CCDC126: variants seen among roughly 807,000 people sequenced by gnomAD.
CCDC126 encodes coiled-coil domain-containing protein 126.
Under a neutral mutation model 11.7 loss-of-function variants are expected in CCDC126, and 5 were observed. The observed-to-expected ratio is 0.43, with a 90% CI of 0.22 to 0.90. The LOEUF is 0.90. CCDC126 is among the 40% of genes least tolerant of loss of function. The pLI, the probability that CCDC126 is intolerant of heterozygous loss-of-function variation, is 0.27. For missense variants in CCDC126, 150 were observed against 163.1 expected, an observed-to-expected ratio of 0.92 and a Z score of 0.44; for synonymous variants, 60 against 61.9, an observed-to-expected ratio of 0.97 and a Z score of 0.14.
chr7:23,630,500 A>C lies in CCDC126; in HGVS notation c.239-12431A>C, dbSNP rs536652853. Among the ~76,000 whole-genome samples, 92 of 147,298 alleles carry C rather than the reference A, an allele frequency of 6.2e-4. 2 individuals are homozygous for C. The East Asian group carries it at 0.015, about 25-fold the overall frequency. ...GTGACAAAGTGAGACTGTTTCAGTC[A>C]ATCAATCAATCAATCATCCATGAAG... On this transcript the variant is annotated intron_variant, in intron 3 of 3. Transcript: ENST00000307471.
In CCDC126 at chr7:23,625,170, C is replaced by T. The variant is rs115607688; in HGVS notation, c.238+13617C>T. On this transcript the variant is annotated intron_variant, in intron 3 of 3. Transcript: ENST00000307471. ...ATTATCTCATTTTATAAATGTCTTTCGTTTACTTCCCTAATGATCAATAAT... is the reference window on the plus strand; with the variant it reads ...ATTATCTCATTTTATAAATGTCTTTTGTTTACTTCCCTAATGATCAATAAT... 5.8e-3 allele frequency among the ~76,000 whole-genome samples: 887 copies of T among 152,232 alleles called. 11 individuals carry two copies. The highest frequency in any genetic ancestry group is 0.02 in the African/African-American group (846 of 41,524).
intron 3 of CCDC126, among the ~76,000 whole-genome samples, chr7:23,634,280 T>C (rs138200083): frequency 1.3e-5 from 2 of 152,202 alleles, no homozygotes; most frequent in African/African-American, 4.8e-5. Flanking sequence ...ACCCTGTCTC[T>C]ACAAAAATTA....
intron 3 of CCDC126, among the ~76,000 whole-genome samples, chr7:23,613,211 T>G (rs1782745520): frequency 6.6e-6 from 1 of 152,004 alleles, no homozygotes; most frequent in South Asian, 2.1e-4. Flanking sequence ...CTTGGGAGGT[T>G]CAGGTGGGAC....
At chr7:23,622,337 A>G (rs1782918996) in intron 3 of CCDC126, 1 of 265,882 alleles carries the variant, frequency 3.8e-6, no homozygotes, top group Non-Finnish European at 7.3e-6. Context: ...GAATTTATCC[A>G]TTTCTTCTAG....
intron 3 of CCDC126, among the ~76,000 whole-genome samples, chr7:23,612,101 G>C (rs1007702518): frequency 1.3e-5 from 2 of 149,092 alleles, no homozygotes; most frequent in African/African-American, 5.0e-5. Context: ...AGCTGAGATC[G>C]CGCCGCTGCA....
At chr7:23,638,881 AAAAAG>A (rs1783299379) in intron 3 of CCDC126, among the ~76,000 whole-genome samples, 1 of 148,214 alleles carries the variant, frequency 6.7e-6, no homozygotes, top group African/African-American at 2.5e-5. Flanking sequence ...AAAAAAAAAA[AAAAAG>A]ACTGTCCCCT....
chr7:23,616,128 C>T (rs112783134), intron 3 of CCDC126, among the ~76,000 whole-genome samples: 52 of 152,262 alleles, frequency 3.4e-4, no homozygotes, highest in African/African-American at 1.1e-3. Context: ...TAATAAGTAT[C>T]GATTTTTGCT....
intron 3 of CCDC126, among the ~76,000 whole-genome samples, chr7:23,612,892 C>T (rs756231651): frequency 1.1e-4 from 16 of 152,138 alleles, no homozygotes; most frequent in Non-Finnish European, 1.2e-4. Context: ...AGTTTCTTAT[C>T]ATGACATGTT....
intron 3 of CCDC126, among the ~76,000 whole-genome samples, chr7:23,616,130 AT>A (rs1304063480): frequency 6.6e-6 from 1 of 152,186 alleles, no homozygotes; most frequent in Non-Finnish European, 1.5e-5. Flanking sequence ...ATAAGTATCG[AT>A]TTTTGCTTCT....
At chr7:23,636,391 G>A (rs964135043) in intron 3 of CCDC126, among the ~76,000 whole-genome samples, 1 of 150,006 alleles carries the variant, frequency 6.7e-6, no homozygotes, top group African/African-American at 2.5e-5. Context: ...TCTCTGCCCG[G>A]CCGCCATCCC....
rs989998481 is a variant in CCDC126 at position 23,622,714 on chromosome 7, C to A, written c.238+11161C>A. ...AGAGAGTAGCTCAGCATAAATGTTA[C>A]ATTGTGGCCACAGTTGACCCTTAAG... On this transcript the variant is annotated intron_variant, in intron 3 of 3. Transcript: ENST00000307471. The A allele has an allele frequency of 1.3e-5, 7 of 527,202 alleles. No individual in the cohort carries two copies. The East Asian group carries it at 3.8e-4, about 28-fold the overall frequency. 32.7% of individuals were successfully genotyped at this position (527,202 alleles called of 1,614,324 possible).
intron 3 of CCDC126, among the ~76,000 whole-genome samples, chr7:23,628,865 C>T (rs1033812687): frequency 6.6e-6 from 1 of 152,110 alleles, no homozygotes; most frequent in African/African-American, 2.4e-5. Context: ...TACATGGGGA[C>T]CTGGAACTCC....
chr7:23,616,602 G>A (rs901297412), intron 3 of CCDC126, among the ~76,000 whole-genome samples: 2 of 152,162 alleles, frequency 1.3e-5, no homozygotes, highest in African/African-American at 4.8e-5. Flanking sequence ...AGATTTTAAA[G>A]GCTCTGCTCT....
chr7:23,631,133 A>T (rs1783104340), intron 3 of CCDC126, among the ~76,000 whole-genome samples: 2 of 152,118 alleles, frequency 1.3e-5, no homozygotes, highest in South Asian at 4.1e-4. Flanking sequence ...AAGCAAGCAG[A>T]AAAAGGGAAA....
At chr7:23,599,156 C>G (rs1011820347) in intron 2 of CCDC126, among the ~76,000 whole-genome samples, 1 of 152,212 alleles carries the variant, frequency 6.6e-6, no homozygotes, top group Non-Finnish European at 1.5e-5. Context: ...CACAGTTTCT[C>G]TGCATTTTTG....
chr7:23,605,782 C>T (rs1366309022), intron 2 of CCDC126, among the ~76,000 whole-genome samples: 1 of 152,172 alleles, frequency 6.6e-6, no homozygotes, highest in Non-Finnish European at 1.5e-5. Flanking sequence ...CACTGGCATA[C>T]ACATATCCCT....
chr7:23,632,572 C>G (rs1431294265), intron 3 of CCDC126, among the ~76,000 whole-genome samples: 1 of 152,190 alleles, frequency 6.6e-6, no homozygotes, highest in Non-Finnish European at 1.5e-5. Flanking sequence ...TTATCAATGT[C>G]AGCATTCTTG....
chr7:23,613,885 A>G (rs539485040), intron 3 of CCDC126, among the ~76,000 whole-genome samples: 1 of 152,234 alleles, frequency 6.6e-6, no homozygotes, highest in Admixed American at 6.5e-5. Flanking sequence ...CAGTAGCATT[A>G]TGTCTTAAAA....
At chr7:23,636,643 A>G (rs1281646703) in intron 3 of CCDC126, among the ~76,000 whole-genome samples, 5 of 141,728 alleles carry the variant, frequency 3.5e-5, no homozygotes, top group Non-Finnish European at 4.6e-5. Context: ...CCGTCTGAGA[A>G]GTGAGGAGCC....
Sources: allele counts gnomAD v4.1 joint callset (sites outside exome capture counted in the v4.1 genomes callset), GRCh38; gene constraint gnomAD v4.1.1; transcripts MANE v1.5; gene names NCBI Gene and HGNC (gene_info 2026-07-23, HGNC 2026-07-21).